SLC8A1: variants seen among roughly 807,000 people sequenced by gnomAD.
The protein encoded by SLC8A1 is sodium/calcium exchanger 1.
SLC8A1 carries 18 observed loss-of-function variants against 68.3 expected under a neutral mutation model. That is an observed-to-expected ratio of 0.26 (90% CI 0.18 to 0.39). The LOEUF is 0.39. Among genes scored for constraint, SLC8A1 ranks in the 10% least tolerant of loss-of-function variants. The pLI is 1.00. For missense variants in SLC8A1, 985 were observed against 1,156.7 expected (o/e 0.85, Z 2.15); for synonymous variants, 475 against 415.5 (o/e 1.14, Z -1.74).
chr2:40,382,578 T>A (rs1682210612), intron 2 of SLC8A1, among the ~76,000 whole-genome samples: 1 of 152,138 alleles, frequency 6.6e-6, no homozygotes, highest in East Asian at 1.9e-4. Context: ...TTCTTTTGAC[T>A]GCCTGATTTG....
At chr2:40,115,148 C>A in exon 8 of SLC8A1, 2 of 843,722 alleles carry the variant, frequency 2.4e-6, no homozygotes, top group Non-Finnish European at 3.3e-6. Context: ...TGGATTCCAT[C>A]AGCAGGTAAG....
intron 2 of SLC8A1, among the ~76,000 whole-genome samples, chr2:40,206,941 A>G (rs187216691): frequency 5.3e-4 from 81 of 152,208 alleles, no homozygotes; most frequent in African/African-American, 1.8e-3. Context: ...ACAGGCATTA[A>G]TGATTCTGAA....
intron 2 of SLC8A1, among the ~76,000 whole-genome samples, chr2:40,421,194 C>G (rs113504259): frequency 0.011 from 1,741 of 152,116 alleles, 25 homozygotes; most frequent in African/African-American, 0.039. Context: ...CACCACCATT[C>G]CAACCACAAC....
intron 1 of SLC8A1, among the ~76,000 whole-genome samples, chr2:40,495,219 T>C (rs1413446612): frequency 6.6e-6 from 1 of 152,064 alleles, no homozygotes; most frequent in African/African-American, 2.4e-5. Context: ...CAAGACATCA[T>C]GGAATGAGTG....
intron 4 of SLC8A1, among the ~76,000 whole-genome samples, chr2:40,165,591 T>C (rs1017498852): frequency 4.6e-5 from 7 of 152,188 alleles, no homozygotes; most frequent in African/African-American, 1.7e-4. Context: ...TGCTTCAGTC[T>C]GGTGCAAAGC....
Position 40,390,696 on chromosome 2 carries a change from G to T in SLC8A1, c.1808+37777C>A, listed in dbSNP as rs372912824. On this transcript the variant is annotated intron_variant, in intron 2 of 7. Transcript: ENST00000406785. Reference sequence around the variant, plus strand: ...TTTCACATACACATAGTCCACAGAGGCTTCTGCCATGTTTTTTTTAACAAC... The same window carrying T: ...TTTCACATACACATAGTCCACAGAGTCTTCTGCCATGTTTTTTTTAACAAC... Among the ~76,000 whole-genome samples, 4 of 151,970 alleles carry T rather than the reference G, an allele frequency of 2.6e-5. No individual in the cohort carries two copies. In the East Asian group the frequency reaches 5.8e-4, roughly 22 times the overall value.
At chr2:40,508,176 C>G (rs1389908546) in intron 1 of SLC8A1, among the ~76,000 whole-genome samples, 2 of 151,936 alleles carry the variant, frequency 1.3e-5, no homozygotes, top group African/African-American at 4.8e-5. Flanking sequence ...TTATTGGAAT[C>G]TAACACATTG....
intron 2 of SLC8A1, among the ~76,000 whole-genome samples, chr2:40,355,392 G>A (rs1672358302): frequency 6.6e-6 from 1 of 152,228 alleles, no homozygotes; most frequent in African/African-American, 2.4e-5. Context: ...CTATAAGGAG[G>A]GATGCCCTGC....
At chr2:40,115,442 G>A (rs747744815) in exon 8 of SLC8A1, 2 of 1,614,178 alleles carry the variant, frequency 1.2e-6, no homozygotes, top group Non-Finnish European at 8.5e-7. Context: ...TGAAGAGAGT[G>A]ACAGAGAAAG....
intron 1 of SLC8A1, among the ~76,000 whole-genome samples, chr2:40,495,558 A>T (rs1421450572): frequency 6.6e-6 from 1 of 152,090 alleles, no homozygotes; most frequent in African/African-American, 2.4e-5. Flanking sequence ...TCACAGATGT[A>T]TCTGTTGGTG....
chr2:40,444,439 A>G (rs1447299745), intron 1 of SLC8A1, among the ~76,000 whole-genome samples: 2 of 152,152 alleles, frequency 1.3e-5, no homozygotes, highest in Admixed American at 6.5e-5. Context: ...TCAAACCCAA[A>G]TATCTCAGAA....
At chr2:40,107,162 G>C (rs114591209) in exon 8 of SLC8A1, 1 of 150,998 alleles carries the variant, frequency 6.6e-6, no homozygotes, top group Admixed American at 6.6e-5. Context: ...TCTGCTCCCA[G>C]CACACCAAAA....
upstream of SLC8A1, chr2:40,453,579 C>T (rs1702807945): frequency 6.6e-6 from 1 of 152,230 alleles, no homozygotes. Flanking sequence ...TTAAAAATCC[C>T]AGTGCTTAGG....
chr2:40,269,969 G>C (rs961687646), intron 2 of SLC8A1, among the ~76,000 whole-genome samples: 1 of 152,096 alleles, frequency 6.6e-6, no homozygotes, highest in Non-Finnish European at 1.5e-5. Context: ...TTGCTTTTTG[G>C]TATGTCTGAG....
chr2:40,235,470 T>C (rs958528314), intron 2 of SLC8A1, among the ~76,000 whole-genome samples: 19 of 152,182 alleles, frequency 1.2e-4, no homozygotes, highest in Non-Finnish European at 5.9e-5. Flanking sequence ...TTTTATTGCG[T>C]CTATTTGAGT....
intron 7 of SLC8A1, 75 bp from the exon 11 acceptor site, chr2:40,115,704 G>A (rs2035190762): frequency 1.3e-6 from 2 of 1,534,906 alleles, no homozygotes; most frequent in Non-Finnish European, 1.7e-6. Flanking sequence ...AGCTTCAGCT[G>A]TGTACTCTAG....
At chr2:40,276,101 T>C (rs375695374) in intron 2 of SLC8A1, among the ~76,000 whole-genome samples, 66 of 152,350 alleles carry the variant, frequency 4.3e-4, no homozygotes, top group African/African-American at 1.2e-3. Context: ...GCCAGTTTGA[T>C]TGGCATATTT....
At chr2:40,333,229 G>A (rs532668439) in intron 2 of SLC8A1, among the ~76,000 whole-genome samples, 8 of 152,214 alleles carry the variant, frequency 5.3e-5, no homozygotes, top group Non-Finnish European at 7.4e-5. Flanking sequence ...ACGACGTCAG[G>A]AGATCGAGAC....
intron 6 of SLC8A1, among the ~76,000 whole-genome samples, chr2:40,158,535 C>A (rs941009032): frequency 6.6e-6 from 1 of 152,136 alleles, no homozygotes; most frequent in Non-Finnish European, 1.5e-5. Flanking sequence ...TGAGAGGTTT[C>A]ATATCTCAGT....
Sources: allele counts gnomAD v4.1 joint callset (sites outside exome capture counted in the v4.1 genomes callset), GRCh38; gene constraint gnomAD v4.1.1; transcripts MANE v1.5; gene names NCBI Gene and HGNC (gene_info 2026-07-23, HGNC 2026-07-21).